The following EIF2S3B variants were observed in gnomAD, a reference collection of about 807,000 sequenced individuals.
EIF2S3B encodes the protein eukaryotic translation initiation factor 2 subunit 3B.
Under a neutral mutation model 26.4 loss-of-function variants are expected in EIF2S3B, and 16 were observed. That is an observed-to-expected ratio of 0.61 (90% CI 0.41 to 0.92). The LOEUF is 0.92. Among genes scored for constraint, EIF2S3B ranks in the 40% least tolerant of loss-of-function variants. EIF2S3B has a pLI of 0.00. For synonymous variants in EIF2S3B, 183 were observed against 204.4 expected (o/e 0.90, Z 0.89); for missense variants, 510 against 575.5 (o/e 0.89, Z 1.16).
intron 1 of EIF2S3B, among the ~76,000 whole-genome samples, chr12:10,522,262 G>A (rs1013738662): frequency 6.6e-6 from 1 of 152,176 alleles, no homozygotes. Context: ...TCGAGCCTAG[G>A]CGTTTTAGGC....
downstream of EIF2S3B, among the ~76,000 whole-genome samples, chr12:10,510,363 C>A (rs1864692525): frequency 6.6e-6 from 1 of 152,158 alleles, no homozygotes; most frequent in Non-Finnish European, 1.5e-5. Flanking sequence ...TCATAAAGCA[C>A]TTACTCGGGG....
rs765780267 is a variant in EIF2S3B at position 10,506,300 on chromosome 12, T to C, written c.398T>C (p.Val133Ala). 1.2e-5 allele frequency: 19 copies of C among 1,614,012 alleles called. 1 individual carries two copies. In the African/African-American group the frequency reaches 2.0e-4, roughly 17 times the overall value. The change falls in exon 1 of 1, where the codon GTT becomes GCT. Residue 133 changes from valine (V) to alanine (A), a missense_variant. Transcript: ENST00000538173. ...AGATTAGTCAGACATGTTTCCTTTGTTGACTGTCCTGGCCACGATATTTTG... is the reference window on the plus strand; with the variant it reads ...AGATTAGTCAGACATGTTTCCTTTGCTGACTGTCCTGGCCACGATATTTTG... ...NFRLVRHVSF[V>A]DCPGHDILMA...
At chr12:10,517,587 G>C (rs991699059) in intron 1 of EIF2S3B, among the ~76,000 whole-genome samples, 39 of 152,154 alleles carry the variant, frequency 2.6e-4, no homozygotes, top group Admixed American at 1.3e-3. Context: ...ATTTTTTGAA[G>C]GGTTTTTTGT....
intron 1 of EIF2S3B, among the ~76,000 whole-genome samples, chr12:10,520,683 G>C (rs986177410): frequency 6.6e-6 from 1 of 151,948 alleles, no homozygotes; most frequent in South Asian, 2.1e-4. Flanking sequence ...CTTTCATTTT[G>C]AAAAGGGGAA....
downstream of EIF2S3B, among the ~76,000 whole-genome samples, chr12:10,513,160 T>C (rs533179353): frequency 1.5e-4 from 23 of 152,368 alleles, 1 homozygote; most frequent in African/African-American, 5.5e-4. Flanking sequence ...TATTGCTTTG[T>C]TATTCCTTAA....
At position 10,507,342 on chromosome 12, in the gene EIF2S3B, C is replaced by T. The variant is rs750219845; in HGVS notation, c.*21C>T. On this transcript the variant is annotated 3_prime_UTR_variant, in exon 1 of 1. Coordinates refer to ENST00000538173, the MANE Select transcript of EIF2S3B (RefSeq NM_001357734.3). ...ACTGAAGAATACCGGTTAAATAATA[C>T]ATTCGGATGGAGCTGGAAGTTGCAA... 5.6e-6 allele frequency: 9 copies of T among 1,611,798 alleles called. No homozygotes were observed. The highest frequency in any genetic ancestry group is 7.6e-6 in the Non-Finnish European group (9 of 1,178,042).
chr12:10,514,207 T>C (rs1235030115), intron 1 of EIF2S3B, among the ~76,000 whole-genome samples: 1 of 151,866 alleles, frequency 6.6e-6, no homozygotes, highest in Non-Finnish European at 1.5e-5. Context: ...CCAGATACTC[T>C]ACTATATTGG....
downstream of EIF2S3B, among the ~76,000 whole-genome samples, chr12:10,509,188 C>T (rs73264184): frequency 0.039 from 5,895 of 152,046 alleles, 389 homozygotes; most frequent in African/African-American, 0.13. Context: ...AGATTCTTAT[C>T]ATTGTTAGAA....
chr12:10,516,063 T>G (rs1864753459), intron 1 of EIF2S3B, among the ~76,000 whole-genome samples: 1 of 151,904 alleles, frequency 6.6e-6, no homozygotes, highest in Non-Finnish European at 1.5e-5. Context: ...GTAAGTAAAG[T>G]GTAGTGTATC....
rs762720927 is a variant in EIF2S3B, at chr12:10,506,652, T to G, written c.750T>G (p.Phe250Leu). 22 of 1,613,696 alleles carry G rather than the reference T, an allele frequency of 1.4e-5. No individual in the cohort carries two copies. Among genetic ancestry groups the G allele is most frequent in the Middle Eastern group, 1.6e-4 (1 of 6,082 alleles). The change falls in exon 1 of 1, where the codon TTT (phenylalanine) becomes TTG (leucine). Residue 250 changes from phenylalanine to leucine, a missense_variant. Phe to Leu is a conservative substitution (Grantham distance 22). Transcript: ENST00000538173. ...AAATTCCAGTACCCCCAAGAGACTT[T>G]ACTTCAGAGCCCCGGCTTATTGTTA... ...VKKIPVPPRD[F>L]TSEPRLIVIR...
At chr12:10,511,261 A>G (rs537220477), downstream of EIF2S3B, among the ~76,000 whole-genome samples, 4 of 151,982 alleles carry the variant, frequency 2.6e-5, no homozygotes, top group Non-Finnish European at 5.9e-5. Flanking sequence ...GCAAAACTTT[A>G]TATTATAAAG....
At chr12:10,510,656 CCT>C (rs1006487149), downstream of EIF2S3B, among the ~76,000 whole-genome samples, 15 of 152,076 alleles carry the variant, frequency 9.9e-5, no homozygotes. Context: ...ATAGCATTCC[CCT>C]GTGTGCCGAA....
chr12:10,506,473 A>G lies in EIF2S3B; in HGVS notation c.571A>G (p.Lys191Glu). 6.2e-7 allele frequency: 1 copy of G among 1,611,296 alleles called. No homozygotes were observed. The highest frequency in any genetic ancestry group is 8.5e-7 in the Non-Finnish European group (1 of 1,177,342). The change falls in exon 1 of 1, where the codon AAA becomes GAA. Residue 191 changes from lysine (K) to glutamate (E), a missense_variant. By Grantham distance (56) the Lys-to-Glu change is moderately conservative. Transcript: ENST00000538173. ...KLKHILILQN[K>E]IDLVKERQAK... ...GAAGCATATTTTGATTCTACAAAAT[A>G]AAATTGATTTGGTAAAAGAAAGGCA...
chr12:10,521,951 A>G (rs530122743), intron 1 of EIF2S3B, among the ~76,000 whole-genome samples: 3 of 152,220 alleles, frequency 2.0e-5, no homozygotes, highest in Non-Finnish European at 4.4e-5. Context: ...TAAGAAAATA[A>G]CTTCTCCAGT....
At position 10,506,051 on chromosome 12, in the gene EIF2S3B, T is replaced by G. The variant is rs1864623007; in HGVS notation, c.149T>G (p.Val50Gly). The part of the protein sequence containing the change: ...ATINIGTIGH[V>G]AHGKSTVVKA... ...ATTAATATAGGTACAATTGGTCATGTAGCTCATGGGAAATCCACAGTCGTC... is the reference window on the plus strand; with the variant it reads ...ATTAATATAGGTACAATTGGTCATGGAGCTCATGGGAAATCCACAGTCGTC... The change falls in exon 1 of 1, where the codon GTA (valine) becomes GGA (glycine). Residue 50 changes from valine (V) to glycine (G), a missense_variant. Coordinates refer to ENST00000538173, the MANE Select transcript of EIF2S3B (RefSeq NM_001357734.3). 6.2e-7 allele frequency: 1 copy of G among 1,603,110 alleles called. No homozygotes were observed. The highest frequency in any genetic ancestry group is 1.7e-5 in the Admixed American group (1 of 60,002).
At chr12:10,515,714 C>T (rs1481506865) in intron 1 of EIF2S3B, among the ~76,000 whole-genome samples, 4 of 151,690 alleles carry the variant, frequency 2.6e-5, no homozygotes, top group Non-Finnish European at 5.9e-5. Flanking sequence ...AAGATTCTCC[C>T]AACTCACTGG....
At chr12:10,513,037 C>T (rs1425913199), downstream of EIF2S3B, among the ~76,000 whole-genome samples, 1 of 152,290 alleles carries the variant, frequency 6.6e-6, no homozygotes, top group Middle Eastern at 3.4e-3. Flanking sequence ...ATAACCATTA[C>T]ATTTATCTAC....
chr12:10,509,243 CATTCTATCT>C (rs1399002873), downstream of EIF2S3B, among the ~76,000 whole-genome samples: 2 of 151,980 alleles, frequency 1.3e-5, no homozygotes, highest in Admixed American at 1.3e-4. Context: ...ATTTTTCTAG[CATTCTATCT>C]ATATGCCACC....
At chr12:10,521,698 G>A (rs1358101490) in intron 1 of EIF2S3B, among the ~76,000 whole-genome samples, 1 of 152,154 alleles carries the variant, frequency 6.6e-6, no homozygotes, top group African/African-American at 2.4e-5. Context: ...AGATGAATAT[G>A]TTCTCAATAG....
Sources: gnomAD v4.1 joint callset for allele counts (sites outside exome capture counted in the v4.1 genomes callset) on GRCh38, gnomAD v4.1.1 for gene constraint, MANE v1.5 for transcripts, NCBI Gene and HGNC (gene_info 2026-07-23, HGNC 2026-07-21) for gene names.